The following SH3BGR variants were observed in gnomAD, a reference collection of about 807,000 sequenced individuals.
The protein encoded by SH3BGR is SH3 domain-binding glutamic acid-rich protein.
In SH3BGR, 29 loss-of-function variants were observed where a neutral mutation model predicts 24.5. The ratio of observed to expected loss-of-function variants is 1.18; its 90% CI spans 0.88 to 1.61. SH3BGR has a LOEUF of 1.61. Ranked by LOEUF, SH3BGR falls within the 40% of genes most tolerant of loss-of-function variation. The probability of loss-of-function intolerance (pLI) is 0.00; values close to 1 mark genes in which losing one functional copy is unlikely to be tolerated. For missense variants in SH3BGR, 162 were observed against 205.8 expected, an observed-to-expected ratio of 0.79 and a Z score of 1.30; for synonymous variants, 55 against 65.7, an observed-to-expected ratio of 0.84 and a Z score of 0.79.
intron 3 of SH3BGR, among the ~76,000 whole-genome samples, chr21:39,495,817 C>T (rs1022635231): frequency 6.6e-6 from 1 of 152,104 alleles, no homozygotes; most frequent in East Asian, 1.9e-4. Flanking sequence ...GAAATATATT[C>T]AGAAGTGAAT....
At chr21:39,508,479 C>G (rs541635163) in intron 4 of SH3BGR, among the ~76,000 whole-genome samples, 1 of 152,270 alleles carries the variant, frequency 6.6e-6, no homozygotes, top group South Asian at 2.1e-4. Context: ...TTTCTTTACC[C>G]AGAAATCAGT....
chr21:39,490,763 G>A (rs1357481182), intron 3 of SH3BGR, among the ~76,000 whole-genome samples: 2 of 146,016 alleles, frequency 1.4e-5, no homozygotes, highest in Non-Finnish European at 3.0e-5. Flanking sequence ...TTTTGAGACA[G>A]TCTCACACTG....
At chr21:39,466,876 C>G (rs1339156637) in intron 2 of SH3BGR, among the ~76,000 whole-genome samples, 2 of 151,808 alleles carry the variant, frequency 1.3e-5, no homozygotes, top group African/African-American at 2.4e-5. Context: ...ACATTTCTTA[C>G]TTGTCTTTTG....
intron 4 of SH3BGR, among the ~76,000 whole-genome samples, chr21:39,508,242 T>C (rs2123545305): frequency 6.6e-6 from 1 of 152,354 alleles, no homozygotes; most frequent in African/African-American, 2.4e-5. Context: ...CATCTCTCTC[T>C]TTAATGAAAG....
chr21:39,510,437 C>CACACACACACACACACTGTAGCT (rs1569178117), intron 5 of SH3BGR, among the ~76,000 whole-genome samples: 33 of 102,758 alleles, frequency 3.2e-4, no homozygotes, highest in African/African-American at 1.4e-3. Flanking sequence ...GCTACACACA[C>CACACACACACACACACTGTAGCT]ACACACACAC....
At chr21:39,484,998 C>T (rs116899981) in intron 3 of SH3BGR, among the ~76,000 whole-genome samples, 5 of 152,294 alleles carry the variant, frequency 3.3e-5, no homozygotes, top group East Asian at 1.9e-4. Context: ...GCTCATAAAA[C>T]GTATCATCAT....
Position 39,499,816 on chromosome 21 carries a change from T to C in SH3BGR, c.313-7T>C, listed in dbSNP as rs1187133925. On this transcript the variant is annotated splice_region_variant and splice_polypyrimidine_tract_variant and intron_variant, in intron 3 of 6. Coordinates refer to ENST00000333634, the MANE Select transcript of SH3BGR (RefSeq NM_007341.3). ...GAGCTCATATCCTGGGTTTCCTTTA[T>C]GACCAGGGATCAGAGAAGGCTGAAG... 4 of 1,610,210 alleles carry C rather than the reference T, an allele frequency of 2.5e-6. No individual in the cohort carries two copies. The highest frequency in any genetic ancestry group is 3.4e-6 in the Non-Finnish European group (4 of 1,177,470).
At chr21:39,474,838 C>G (rs2123384878) in intron 2 of SH3BGR, among the ~76,000 whole-genome samples, 1 of 152,054 alleles carries the variant, frequency 6.6e-6, no homozygotes, top group South Asian at 2.1e-4. Context: ...CTTGGAAAAG[C>G]CATTTACTGT....
At chr21:39,447,340 A>G (rs954710227), upstream of SH3BGR, among the ~76,000 whole-genome samples, 2 of 150,954 alleles carry the variant, frequency 1.3e-5, no homozygotes, top group African/African-American at 2.4e-5. Context: ...CCTCTTTTCT[A>G]CCAGCTTTTC....
At chr21:39,476,845 T>C (rs541934485) in intron 3 of SH3BGR, among the ~76,000 whole-genome samples, 1 of 152,304 alleles carries the variant, frequency 6.6e-6, no homozygotes, top group Admixed American at 6.5e-5. Context: ...CCTTGGTCAA[T>C]AATAATGTGG....
chr21:39,458,862 G>GTC lies in SH3BGR; in HGVS notation c.46-3510_46-3509dup, dbSNP rs773517848. Reference sequence around the variant, plus strand: ...AGGTTTTACCATGTTGGCCAGGCTGGTCTCGAACTCCTGGCCTCAGATGAT... The same window carrying GTC: ...AGGTTTTACCATGTTGGCCAGGCTGGTCTCTCGAACTCCTGGCCTCAGATGAT... On this transcript the variant is annotated intron_variant, in intron 1 of 6. Coordinates refer to ENST00000333634, the MANE Select transcript of SH3BGR (RefSeq NM_007341.3). Among the ~76,000 whole-genome samples, 14 of 152,138 alleles carry GTC rather than the reference G, an allele frequency of 9.2e-5. No homozygotes were observed. In the South Asian group the frequency reaches 2.7e-3, roughly 29 times the overall value.
chr21:39,485,768 A>G (rs1432549762), intron 3 of SH3BGR, among the ~76,000 whole-genome samples: 3 of 150,702 alleles, frequency 2.0e-5, no homozygotes, highest in Non-Finnish European at 4.4e-5. Context: ...GCTCACTGCA[A>G]GCTCCACCTC....
intron 3 of SH3BGR, among the ~76,000 whole-genome samples, chr21:39,489,245 C>T (rs1215227563): frequency 6.6e-6 from 1 of 152,160 alleles, no homozygotes; most frequent in Admixed American, 6.5e-5. Flanking sequence ...TGCTGCAGCC[C>T]CCTCCATCCC....
chr21:39,492,329 A>G (rs1342311084), intron 3 of SH3BGR, among the ~76,000 whole-genome samples: 1 of 151,978 alleles, frequency 6.6e-6, no homozygotes, highest in Non-Finnish European at 1.5e-5. Flanking sequence ...AGAACATACG[A>G]TGTTTGGTTT....
intron 2 of SH3BGR, among the ~76,000 whole-genome samples, chr21:39,466,252 A>C (rs973560384): frequency 6.6e-6 from 1 of 152,212 alleles, no homozygotes; most frequent in Non-Finnish European, 1.5e-5. Flanking sequence ...AACTTTGACA[A>C]TCTGTTTGGT....
rs1012368298 is a variant in SH3BGR at position 39,511,163 on chromosome 21, T to C, written c.436-517T>C. Among the ~76,000 whole-genome samples, 6 of 151,054 alleles carry C rather than the reference T, an allele frequency of 4.0e-5. No individual in the cohort carries two copies. The highest frequency in any genetic ancestry group is 1.3e-4 in the Admixed American group (2 of 15,130). On this transcript the variant is annotated intron_variant, in intron 5 of 6. Coordinates refer to ENST00000333634, the MANE Select transcript of SH3BGR (RefSeq NM_007341.3). This position sits in a 1 kb window ranked among gnomAD's most constrained non-coding sequence, Gnocchi z 4.2. ...GTGTTGTATGTGTGGTGTATGTGTA[T>C]TTGTGTGTGGTGTATATGGTGTGTG...
At chr21:39,512,380 C>T (rs1334280296) in intron 6 of SH3BGR, among the ~76,000 whole-genome samples, 2 of 152,148 alleles carry the variant, frequency 1.3e-5, no homozygotes, top group Admixed American at 6.5e-5. Flanking sequence ...CTGGAAACAC[C>T]GGGGAACATG....
chr21:39,463,039 C>G (rs2148462402), intron 2 of SH3BGR, among the ~76,000 whole-genome samples: 1 of 152,172 alleles, frequency 6.6e-6, no homozygotes, highest in South Asian at 2.1e-4. Context: ...GTGCAGTACT[C>G]CACCCAGCTA....
At chr21:39,476,673 G>A (rs557727818) in intron 3 of SH3BGR, among the ~76,000 whole-genome samples, 3 of 152,058 alleles carry the variant, frequency 2.0e-5, no homozygotes, top group South Asian at 2.1e-4. Context: ...TCAATCTCTC[G>A]TCTTAACCCA....
Sources: allele counts gnomAD v4.1 joint callset (sites outside exome capture counted in the v4.1 genomes callset), GRCh38; gene constraint gnomAD v4.1.1; non-coding constraint Gnocchi (gnomAD v3.1); transcripts MANE v1.5; gene names NCBI Gene and HGNC (gene_info 2026-07-23, HGNC 2026-07-21).